The following RYR1 variants were observed in gnomAD, a reference collection of about 807,000 sequenced individuals.
RYR1 encodes the protein ryanodine receptor 1, also known as central core disease of muscle.
Under a neutral mutation model 583.5 loss-of-function variants are expected in RYR1, and 342 were observed. That is an observed-to-expected ratio of 0.59 (90% CI 0.54 to 0.64). RYR1 has a LOEUF of 0.64. Among genes scored for constraint, RYR1 ranks in the 30% least tolerant of loss-of-function variants. The pLI is 0.00. For synonymous variants in RYR1, 2,791 were observed against 2,822.5 expected, an observed-to-expected ratio of 0.99 and a Z score of 0.35; for missense variants, 6,032 against 6,917.2, an observed-to-expected ratio of 0.87 and a Z score of 4.54.
intron 42 of RYR1, among the ~76,000 whole-genome samples, chr19:38,497,495 C>G (rs987836826): frequency 6.6e-6 from 1 of 152,196 alleles, no homozygotes; most frequent in African/African-American, 2.4e-5. Flanking sequence ...CCCCTGTTGT[C>G]TCATCTGTAC....
intron 100 of RYR1, 108 bp downstream of exon 100, chr19:38,580,236 G>T (rs957902456): frequency 3.1e-6 from 5 of 1,594,534 alleles, no homozygotes; most frequent in Middle Eastern, 1.7e-4. Flanking sequence ...GCAAGGCCAG[G>T]TGCGCTGAGC....
In RYR1 at chr19:38,452,875, C is replaced by T. The variant is rs1191918640; in HGVS notation, c.1301C>T (p.Ala434Val). 9 of 1,610,390 alleles carry T rather than the reference C, an allele frequency of 5.6e-6. No individual in the cohort carries two copies. The highest frequency in any genetic ancestry group is 1.1e-5 in the South Asian group (1 of 90,468). The change falls in exon 13 of 106, where the codon GCG (alanine) becomes GTG (valine). Residue 434 changes from alanine (A) to valine (V), a missense_variant. Transcript: ENST00000359596. ...PRGSGPPAGTALPIEGVILSL... is the reference protein window; with the variant it reads ...PRGSGPPAGTVLPIEGVILSL... ...GGCTCGGGGCCACCCGCTGGCACGG[C>T]GCTGCCCATCGAGGGCGTTATCCTG...
intron 97 of RYR1, among the ~76,000 whole-genome samples, chr19:38,577,125 A>T (rs1314207852): frequency 6.6e-6 from 1 of 151,972 alleles, no homozygotes; most frequent in East Asian, 2.0e-4. Flanking sequence ...ACCTCAGGTG[A>T]TCCACCCGCC....
intron 91 of RYR1, among the ~76,000 whole-genome samples, chr19:38,566,165 T>C (rs1175103263): frequency 6.6e-6 from 1 of 151,496 alleles, no homozygotes; most frequent in Non-Finnish European, 1.5e-5. Flanking sequence ...AGACCAAAAC[T>C]AAGCCAGGCG....
intron 101 of RYR1, among the ~76,000 whole-genome samples, chr19:38,581,221 G>A (rs1974191768): frequency 6.6e-6 from 1 of 152,112 alleles, no homozygotes; most frequent in Non-Finnish European, 1.5e-5. Flanking sequence ...GGGACAACAG[G>A]CGCCCGCCAC....
At position 38,444,754 on chromosome 19, in the gene RYR1, A is replaced by G. The variant is rs1299475528; in HGVS notation, c.631+77A>G. The G allele has an allele frequency of 1.8e-6, 2 of 1,140,266 alleles. No homozygotes were observed. The highest frequency in any genetic ancestry group is 2.6e-5 in the East Asian group (1 of 38,896). The allele number at this position is 1,140,266 out of a possible 1,614,324, so 70.6% of individuals were successfully genotyped here. On this transcript the variant is annotated intron_variant, in intron 7 of 105. Coordinates refer to ENST00000359596, the MANE Select transcript of RYR1 (RefSeq NM_000540.3). This position sits in a 1 kb window ranked among gnomAD's most constrained non-coding sequence, Gnocchi z 5.1. Reference sequence around the variant, plus strand: ...TAATGTTGCCCTTCAGGCATACCCAAATGGAGCCTTGGAACCTCAGACCTC... The same window carrying G: ...TAATGTTGCCCTTCAGGCATACCCAGATGGAGCCTTGGAACCTCAGACCTC...
At chr19:38,527,840 G>A (rs1183863985) in intron 73 of RYR1, 56 bp downstream of exon 73, 2 of 1,605,368 alleles carry the variant, frequency 1.2e-6, no homozygotes, top group Non-Finnish European at 1.7e-6. Flanking sequence ...CCTGGCGGGG[G>A]GAGGGGCTTC....
rs746617941 is a variant in RYR1, at chr19:38,478,512, C to G, written c.4532C>G (p.Thr1511Arg). The G allele has an allele frequency of 3.1e-6, 5 of 1,614,172 alleles. No homozygotes were observed. The highest frequency in any genetic ancestry group is 4.2e-6 in the Non-Finnish European group (5 of 1,180,034). The change falls in exon 31 of 106, where the codon ACG (threonine) becomes AGG (arginine). Residue 1511 changes from threonine (T) to arginine (R), a missense_variant. Thr to Arg is a moderately conservative substitution (Grantham distance 71). Around this residue, in one of 11 missense-constraint regions of RYR1, gnomAD observed 2,627 missense variants for 2,961.3 expected, o/e 0.89. Coordinates refer to ENST00000359596, the MANE Select transcript of RYR1 (RefSeq NM_000540.3). Reference sequence around the variant, plus strand: ...GGGCAGCAGGGCCGGATCAGCCACACGGACCTTGTCATTGGGTGCCTGGTG... The same window carrying G: ...GGGCAGCAGGGCCGGATCAGCCACAGGGACCTTGTCATTGGGTGCCTGGTG... ...SPGQQGRISH[T>R]DLVIGCLVDL...
intron 76 of RYR1, among the ~76,000 whole-genome samples, chr19:38,532,043 T>A (rs938210484): frequency 6.6e-6 from 1 of 152,034 alleles, no homozygotes; most frequent in African/African-American, 2.4e-5. Context: ...CAAGCCACCC[T>A]GGCAATGGCC....
chr19:38,579,944 C>A (rs372738814), intron 99 of RYR1, 38 bp from the exon 100 acceptor site: 6 of 1,613,946 alleles, frequency 3.7e-6, no homozygotes, highest in African/African-American at 1.3e-5. Flanking sequence ...TCGTGTGTCC[C>A]TGCCTTCCCC....
At chr19:38,585,371 T>TAG (rs746748520) in intron 102 of RYR1, among the ~76,000 whole-genome samples, 2 of 146,774 alleles carry the variant, frequency 1.4e-5, no homozygotes, top group African/African-American at 2.5e-5. Context: ...AGGCCTGAGA[T>TAG]ATATATATAT....
At chr19:38,522,921 G>T in intron 67 of RYR1, 107 bp from the exon 68 acceptor site, 2 of 918,228 alleles carry the variant, frequency 2.2e-6, no homozygotes, top group South Asian at 2.8e-5. Context: ...CCATCCCTCT[G>T]ACTGGATGTC....
chr19:38,497,197 AC>A (rs1432840011), intron 42 of RYR1, among the ~76,000 whole-genome samples: 7 of 149,080 alleles, frequency 4.7e-5, no homozygotes, highest in Admixed American at 2.0e-4. Context: ...TCCACAGTCT[AC>A]GCTTCCGGGA....
intron 89 of RYR1, among the ~76,000 whole-genome samples, chr19:38,553,392 T>G (rs1972749339): frequency 1.4e-5 from 2 of 147,016 alleles, no homozygotes; most frequent in African/African-American, 5.1e-5. Flanking sequence ...CACCAGTAAT[T>G]CCAGCACTTT....
intron 90 of RYR1, among the ~76,000 whole-genome samples, chr19:38,562,213 A>G (rs1973177209): frequency 6.6e-6 from 1 of 152,070 alleles, no homozygotes; most frequent in Non-Finnish European, 1.5e-5. Context: ...AAGAGCCCTC[A>G]GACCTACTCT....
At chr19:38,455,181 G>A (rs1399759639) in intron 13 of RYR1, 54 bp from the exon 14 acceptor site, 11 of 1,599,894 alleles carry the variant, frequency 6.9e-6, no homozygotes, top group African/African-American at 1.3e-5. Flanking sequence ...AGAAAGACAA[G>A]GAAGGGAGGG....
rs1250000043 is a variant in RYR1 at position 38,565,363 on chromosome 19, T to G, written c.13029T>G (p.Ala4343=). 2.3e-6 allele frequency: 3 copies of G among 1,314,744 alleles called. No homozygotes were observed. In the African/African-American group the frequency reaches 4.7e-5, roughly 21 times the overall value. The allele number at this position is 1,314,744 out of a possible 1,614,324, so 81.4% of individuals were successfully genotyped here. ...TGCTCTGGGCAGCAGTGACGCGCGC[T>G]GGGGCCGCTGGCGCGGGGGCGGCGG... ...AALLWAAVTR[A]GAAGAGAAAG... The change falls in exon 91 of 106, where the codon GCT becomes GCG. Residue 4343 remains alanine, a synonymous_variant. Coordinates refer to ENST00000359596, the MANE Select transcript of RYR1 (RefSeq NM_000540.3). The surrounding 1 kb of genome is among the most constrained non-coding windows in gnomAD (Gnocchi z 4.7).
intron 22 of RYR1, 23 bp downstream of exon 22, chr19:38,463,873 G>A: frequency 1.3e-6 from 2 of 1,591,220 alleles, no homozygotes; most frequent in Non-Finnish European, 1.7e-6. Flanking sequence ...GGGAGCCGGG[G>A]GTTGGGGCTG....
At chr19:38,585,236 C>T (rs1436832115) in intron 102 of RYR1, 137 bp downstream of exon 102, 5 of 1,004,022 alleles carry the variant, frequency 5.0e-6, no homozygotes, top group African/African-American at 1.6e-5. Context: ...GGCAAGTCAC[C>T]TCTCGGGGCC....
Sources: allele counts gnomAD v4.1 joint callset (sites outside exome capture counted in the v4.1 genomes callset), GRCh38; gene constraint gnomAD v4.1.1; regional missense constraint gnomAD v4.1.1; non-coding constraint Gnocchi (gnomAD v3.1); transcripts MANE v1.5; gene names NCBI Gene and HGNC (gene_info 2026-07-23, HGNC 2026-07-21).